The following RNF220 variants were observed in gnomAD, a reference collection of about 807,000 sequenced individuals.
RNF220 encodes E3 ubiquitin-protein ligase RNF220.
RNF220 carries 7 observed loss-of-function variants against 67.1 expected under a neutral mutation model. The observed-to-expected ratio is 0.10, with a 90% CI of 0.06 to 0.20. The LOEUF is 0.20. Ranked by LOEUF, RNF220 falls within the 10% of genes least tolerant of loss-of-function variation. The pLI, the probability that RNF220 is intolerant of heterozygous loss-of-function variation, is 1.00. For synonymous variants in RNF220, 270 were observed against 283.2 expected, an observed-to-expected ratio of 0.95 and a Z score of 0.47; for missense variants, 565 against 740.3, an observed-to-expected ratio of 0.76 and a Z score of 2.75.
intron 2 of RNF220, among the ~76,000 whole-genome samples, chr1:44,597,522 C>G (rs554710114): frequency 1.4e-5 from 2 of 140,018 alleles, no homozygotes; most frequent in African/African-American, 5.3e-5. Flanking sequence ...GAACCTCCCT[C>G]ACCTCCCTCT....
At chr1:44,549,313 G>C (rs988083538) in intron 2 of RNF220, among the ~76,000 whole-genome samples, 1 of 152,336 alleles carries the variant, frequency 6.6e-6, no homozygotes, top group East Asian at 1.9e-4. Context: ...TTGCATATAG[G>C]AGGCTCTCTG....
chr1:44,551,349 A>G (rs1182033231), intron 2 of RNF220, among the ~76,000 whole-genome samples: 1 of 151,984 alleles, frequency 6.6e-6, no homozygotes, highest in Non-Finnish European at 1.5e-5. Flanking sequence ...TCCCGACCTC[A>G]TGTGATCCAC....
intron 2 of RNF220, chr1:44,423,903 G>C: frequency 1.0e-6 from 1 of 985,376 alleles, no homozygotes; most frequent in Non-Finnish European, 1.2e-6. Context: ...GAAGCAAACC[G>C]TTGTTCTAGC....
At chr1:44,430,841 A>G (rs1385710859) in intron 2 of RNF220, among the ~76,000 whole-genome samples, 3 of 152,172 alleles carry the variant, frequency 2.0e-5, no homozygotes, top group Non-Finnish European at 1.5e-5. Context: ...CACCACGCCC[A>G]GCCACCAAAA....
intron 8 of RNF220, among the ~76,000 whole-genome samples, chr1:44,637,358 G>A: frequency 6.6e-6 from 1 of 152,238 alleles, no homozygotes; most frequent in East Asian, 1.9e-4. Context: ...GAGCTGGAGA[G>A]TGTTAGTTTG....
intron 2 of RNF220, among the ~76,000 whole-genome samples, chr1:44,563,158 C>A (rs1663719694): frequency 6.6e-6 from 1 of 152,184 alleles, no homozygotes; most frequent in Admixed American, 6.5e-5. Context: ...AGACCTGGGC[C>A]TTGTTGAATG....
chr1:44,560,867 C>T (rs1663516540), intron 2 of RNF220, among the ~76,000 whole-genome samples: 1 of 151,564 alleles, frequency 6.6e-6, no homozygotes, highest in African/African-American at 2.4e-5. Flanking sequence ...AGCCTTCAGC[C>T]AGTAGTTGCT....
chr1:44,525,127 TC>T (rs1660264778), intron 2 of RNF220, among the ~76,000 whole-genome samples: 2 of 152,228 alleles, frequency 1.3e-5, no homozygotes, highest in African/African-American at 4.8e-5. Context: ...AGAAAAAAAA[TC>T]TTTATTGAAA....
intron 2 of RNF220, among the ~76,000 whole-genome samples, chr1:44,608,248 C>T (rs888094600): frequency 9.9e-5 from 15 of 152,148 alleles, no homozygotes; most frequent in African/African-American, 3.6e-4. Flanking sequence ...TTTCCTAAGA[C>T]CACTCTGGGG....
chr1:44,547,926 G>A (rs1662299509), intron 2 of RNF220, among the ~76,000 whole-genome samples: 1 of 152,130 alleles, frequency 6.6e-6, no homozygotes, highest in Admixed American at 6.5e-5. Flanking sequence ...TGCATACTGA[G>A]TATCTCAACC....
In RNF220 at chr1:44,412,024, C is replaced by T; in HGVS notation, c.-74C>T. 2.6e-6 allele frequency: 4 copies of T among 1,524,192 alleles called. No homozygotes were observed. The highest frequency in any genetic ancestry group is 3.5e-6 in the Non-Finnish European group (4 of 1,127,512). The allele number at this position is 1,524,192 out of a possible 1,614,324, so 94.4% of individuals were successfully genotyped here. ...TCCCCAGTAATATTCCCTGCCCTGA[C>T]CCAAAGTGCTGGTTGGCCTCCCTCC... is the stretch of plus-strand genomic sequence containing the variant. On this transcript the variant is annotated 5_prime_UTR_variant, in exon 2 of 15. Transcript: ENST00000361799. This position sits in a 1 kb window ranked among gnomAD's most constrained non-coding sequence, Gnocchi z 5.3.
At chr1:44,533,157 T>C (rs756886682) in intron 2 of RNF220, among the ~76,000 whole-genome samples, 1 of 152,260 alleles carries the variant, frequency 6.6e-6, no homozygotes, top group Non-Finnish European at 1.5e-5. Context: ...AACGAAAGTC[T>C]GCTGAAGGCT....
intron 2 of RNF220, among the ~76,000 whole-genome samples, chr1:44,597,571 G>A (rs987311872): frequency 1.4e-5 from 2 of 147,924 alleles, no homozygotes; most frequent in African/African-American, 2.5e-5. Context: ...CACCTCTCAC[G>A]TTCTTTTCAT....
intron 2 of RNF220, among the ~76,000 whole-genome samples, chr1:44,502,157 T>TCACACA (rs57102316): frequency 3.5e-5 from 5 of 144,072 alleles, no homozygotes; most frequent in African/African-American, 1.3e-4. Flanking sequence ...TCTCTCTCTC[T>TCACACA]CACACACACA....
chr1:44,504,423 C>A lies in RNF220; in HGVS notation c.625+91701C>A, dbSNP rs553028480. Among the ~76,000 whole-genome samples the A allele has an allele frequency of 5.3e-5, 8 of 152,292 alleles. No homozygotes were observed. The South Asian group carries it at 1.7e-3, about 32-fold the overall frequency. The stretch of plus-strand genomic sequence containing the variant: ...TATCTGGGATGTCTGGGCCCTGACC[C>A]TTCTGAGCCTTGACTGGCCCCCTGT... On this transcript the variant is annotated intron_variant, in intron 2 of 14. Transcript: ENST00000361799.
intron 2 of RNF220, among the ~76,000 whole-genome samples, chr1:44,421,856 C>T (rs1309843258): frequency 2.6e-5 from 4 of 152,038 alleles, no homozygotes; most frequent in African/African-American, 9.7e-5. Flanking sequence ...CTGAGGACCT[C>T]GGATTTGAGT....
chr1:44,419,910 A>G (rs1024179709), intron 2 of RNF220: 2 of 152,260 alleles, frequency 1.3e-5, no homozygotes, highest in African/African-American at 4.8e-5. Flanking sequence ...TTAGAAACCT[A>G]AGATTGGAGC....
intron 2 of RNF220, among the ~76,000 whole-genome samples, chr1:44,586,733 C>CA (rs1457099455): frequency 6.6e-6 from 1 of 152,078 alleles, no homozygotes; most frequent in African/African-American, 2.4e-5. Flanking sequence ...GCTCTCGTGG[C>CA]AAAAATGCAA....
intron 2 of RNF220, among the ~76,000 whole-genome samples, chr1:44,475,425 G>A (rs971623163): frequency 1.1e-4 from 17 of 151,824 alleles, no homozygotes; most frequent in African/African-American, 3.9e-4. Context: ...ACAAAAATTA[G>A]CCGGCATGGT....
Sources: gnomAD v4.1 joint callset for allele counts (sites outside exome capture counted in the v4.1 genomes callset) on GRCh38, gnomAD v4.1.1 for gene constraint, Gnocchi (gnomAD v3.1) non-coding constraint, MANE v1.5 for transcripts, NCBI Gene and HGNC (gene_info 2026-07-23, HGNC 2026-07-21) for gene names.